Variants in FAM117B observed in about 807,000 individuals in gnomAD.
FAM117B encodes protein FAM117B.
In FAM117B, 22 loss-of-function variants were observed where a neutral mutation model predicts 52.8. The ratio of observed to expected loss-of-function variants is 0.42; its 90% CI spans 0.30 to 0.59. The LOEUF is 0.59. Among genes scored for constraint, FAM117B ranks in the 20% least tolerant of loss-of-function variants. The pLI, the probability that FAM117B is intolerant of heterozygous loss-of-function variation, is 0.22. For synonymous variants in FAM117B, 309 were observed against 324.1 expected, an observed-to-expected ratio of 0.95 and a Z score of 0.50; for missense variants, 678 against 802.6, an observed-to-expected ratio of 0.84 and a Z score of 1.88.
At chr2:202,667,291 G>T (rs927440752) in intron 1 of FAM117B, among the ~76,000 whole-genome samples, 1 of 151,474 alleles carries the variant, frequency 6.6e-6, no homozygotes. Flanking sequence ...AATAGAGACG[G>T]GGTTTCACCA....
intron 7 of FAM117B, among the ~76,000 whole-genome samples, chr2:202,763,182 C>T (rs1317875896): frequency 1.3e-5 from 2 of 151,106 alleles, no homozygotes; most frequent in Non-Finnish European, 2.9e-5. Context: ...CGCCATTCTC[C>T]TGCCTCAGCC....
chr2:202,732,478 A>C (rs1220427855), intron 4 of FAM117B, among the ~76,000 whole-genome samples: 1 of 152,190 alleles, frequency 6.6e-6, no homozygotes, highest in African/African-American at 2.4e-5. Flanking sequence ...TTTGATCATA[A>C]AAAAGAATGG....
intron 4 of FAM117B, among the ~76,000 whole-genome samples, chr2:202,754,503 A>G (rs539036251): frequency 6.6e-6 from 1 of 152,218 alleles, no homozygotes; most frequent in Admixed American, 6.5e-5. Context: ...AGAAGAAACA[A>G]AAACAATAAT....
At chr2:202,709,893 A>C (rs1690932342) in intron 2 of FAM117B, among the ~76,000 whole-genome samples, 1 of 152,084 alleles carries the variant, frequency 6.6e-6, no homozygotes, top group African/African-American at 2.4e-5. Flanking sequence ...TGTTGAAGAG[A>C]CTGTCCTTCC....
intron 1 of FAM117B, among the ~76,000 whole-genome samples, chr2:202,677,778 C>CAT (rs1200087802): frequency 2.6e-5 from 4 of 152,142 alleles, no homozygotes; most frequent in African/African-American, 9.7e-5. Flanking sequence ...AATCTGGAGT[C>CAT]ATAATAGGTG....
chr2:202,690,957 C>T (rs1040272914), intron 1 of FAM117B, among the ~76,000 whole-genome samples: 11 of 150,850 alleles, frequency 7.3e-5, no homozygotes. Context: ...AGACTGTGTT[C>T]TTTATTACAG....
intron 1 of FAM117B, among the ~76,000 whole-genome samples, chr2:202,691,879 G>C (rs1690635552): frequency 6.6e-6 from 1 of 152,118 alleles, no homozygotes; most frequent in Non-Finnish European, 1.5e-5. Flanking sequence ...TTTGTTTTCT[G>C]AAAATGTGCT....
intron 1 of FAM117B, among the ~76,000 whole-genome samples, chr2:202,671,304 G>A (rs543943231): frequency 2.6e-5 from 4 of 152,316 alleles, no homozygotes; most frequent in South Asian, 2.1e-4. Flanking sequence ...GTTAATAAGC[G>A]TGCTTTAATA....
intron 1 of FAM117B, among the ~76,000 whole-genome samples, chr2:202,638,985 G>A (rs955451826): frequency 6.6e-6 from 1 of 152,154 alleles, no homozygotes; most frequent in African/African-American, 2.4e-5. Context: ...ACAAAACTAC[G>A]ATGAAATCAT....
In FAM117B at chr2:202,734,988, A is replaced by G. The variant is rs564828689; in HGVS notation, c.960+8625A>G. On this transcript the variant is annotated intron_variant, in intron 4 of 7. Coordinates refer to ENST00000392238, the MANE Select transcript of FAM117B (RefSeq NM_173511.4). ...CTGTATTTCTGTATCTTTCTCCCCT[A>G]TTGCTGACATTTTTTTTCTTTTAAG... Among the ~76,000 whole-genome samples, 12 of 152,154 alleles carry G rather than the reference A, an allele frequency of 7.9e-5. No individual in the cohort carries two copies. The East Asian group carries it at 2.1e-3, about 27-fold the overall frequency.
chr2:202,643,454 G>A (rs889785842), intron 1 of FAM117B, among the ~76,000 whole-genome samples: 2 of 152,114 alleles, frequency 1.3e-5, no homozygotes, highest in Non-Finnish European at 2.9e-5. Context: ...GAAGGAAGTT[G>A]AGAAAGTAAG....
At chr2:202,723,172 C>T (rs1317487403) in intron 2 of FAM117B, among the ~76,000 whole-genome samples, 1 of 152,096 alleles carries the variant, frequency 6.6e-6, no homozygotes, top group Non-Finnish European at 1.5e-5. Context: ...GAATGGAGTC[C>T]TTTTGGCTAT....
chr2:202,755,737 C>T, intron 5 of FAM117B, 56 bp downstream of exon 5: 1 of 1,523,238 alleles, frequency 6.6e-7, no homozygotes, highest in Non-Finnish European at 8.9e-7. Context: ...ATTAAAAATG[C>T]ACAGTTTGGG....
intron 4 of FAM117B, among the ~76,000 whole-genome samples, chr2:202,741,420 A>G (rs1269997204): frequency 6.2e-5 from 3 of 48,422 alleles, no homozygotes; most frequent in African/African-American, 1.8e-4. Context: ...CTGTCTCAAA[A>G]AAAAAAAAAA....
At chr2:202,737,088 C>T (rs1168216066) in intron 4 of FAM117B, among the ~76,000 whole-genome samples, 1 of 151,996 alleles carries the variant, frequency 6.6e-6, no homozygotes, top group African/African-American at 2.4e-5. Context: ...AGACAGGAAG[C>T]TGACTGGGCT....
At chr2:202,672,901 G>C (rs1173933796) in intron 1 of FAM117B, among the ~76,000 whole-genome samples, 2 of 152,036 alleles carry the variant, frequency 1.3e-5, no homozygotes, top group Non-Finnish European at 2.9e-5. Context: ...TTAGCCAGGC[G>C]AGCTGACATG....
intron 1 of FAM117B, among the ~76,000 whole-genome samples, chr2:202,662,638 C>T (rs975786906): frequency 1.3e-5 from 2 of 151,946 alleles, no homozygotes; most frequent in Non-Finnish European, 2.9e-5. Context: ...GTCAAGAGAT[C>T]GAGACCATCC....
intron 1 of FAM117B, among the ~76,000 whole-genome samples, chr2:202,671,228 G>A (rs1253172678): frequency 6.6e-6 from 1 of 152,236 alleles, no homozygotes; most frequent in Non-Finnish European, 1.5e-5. Context: ...ACAAGGATTT[G>A]TTTGGTTCCA....
intron 4 of FAM117B, among the ~76,000 whole-genome samples, chr2:202,740,488 TA>T (rs1241687419): frequency 1.3e-5 from 2 of 152,184 alleles, no homozygotes; most frequent in Non-Finnish European, 2.9e-5. Flanking sequence ...TTTGCATTAT[TA>T]CTGTATATAG....
Sources: allele counts gnomAD v4.1 joint callset (sites outside exome capture counted in the v4.1 genomes callset), GRCh38; gene constraint gnomAD v4.1.1; transcripts MANE v1.5; gene names NCBI Gene and HGNC (gene_info 2026-07-23, HGNC 2026-07-21).